The following KCNIP4 variants were observed in gnomAD, a reference collection of about 807,000 sequenced individuals.
KCNIP4 encodes the protein Kv channel-interacting protein 4.
In KCNIP4, 12 loss-of-function variants were observed where a neutral mutation model predicts 34.0. The ratio of observed to expected loss-of-function variants is 0.35; its 90% CI spans 0.23 to 0.57. The LOEUF is 0.57. KCNIP4 is among the 20% of genes least tolerant of loss of function. The pLI is 0.83. For missense variants in KCNIP4, 238 were observed against 311.7 expected (o/e 0.76, Z 1.78); for synonymous variants, 124 against 102.2 (o/e 1.21, Z -1.29).
chr4:20,850,443 T>C lies in KCNIP4; in HGVS notation c.288+100A>G, dbSNP rs1720884295. The C allele has an allele frequency of 2.4e-5, 30 of 1,229,512 alleles. No individual in the cohort carries two copies. The South Asian group carries it at 3.8e-4, about 16-fold the overall frequency. 76.2% of individuals were successfully genotyped at this position (1,229,512 alleles called of 1,614,324 possible). A position where few individuals can be genotyped will look rare whatever the true frequency, so the allele number is the denominator to read the frequency against. On this transcript the variant is annotated intron_variant, in intron 3 of 8. Transcript: ENST00000382152. ...GGATCAGTATGAAATATACATATGATGGGGCTCTCATAGAATGGGATATTT... is the reference window on the plus strand; with the variant it reads ...GGATCAGTATGAAATATACATATGACGGGGCTCTCATAGAATGGGATATTT...
intron 1 of KCNIP4, among the ~76,000 whole-genome samples, chr4:21,079,795 G>A (rs1192162323): frequency 2.6e-5 from 4 of 151,804 alleles, no homozygotes; most frequent in African/African-American, 9.7e-5. Context: ...GAGAGTCAGA[G>A]TCCCAGAAGG....
intron 1 of KCNIP4, among the ~76,000 whole-genome samples, chr4:20,883,131 A>G (rs1486678111): frequency 6.6e-6 from 1 of 151,074 alleles, no homozygotes; most frequent in Non-Finnish European, 1.5e-5. Context: ...ATTTTCTGCT[A>G]TTGCTCCCCA....
chr4:21,686,621 T>C (rs1222434710), intron 1 of KCNIP4, among the ~76,000 whole-genome samples: 1 of 152,186 alleles, frequency 6.6e-6, no homozygotes, highest in Non-Finnish European at 1.5e-5. Flanking sequence ...ATACAGGACC[T>C]ACCCCATTTA....
At chr4:21,797,389 C>T (rs539391402) in intron 1 of KCNIP4, among the ~76,000 whole-genome samples, 2 of 152,266 alleles carry the variant, frequency 1.3e-5, no homozygotes, top group Non-Finnish European at 2.9e-5. Context: ...AAGTTATCCT[C>T]CTGCCTCAGC....
At chr4:21,184,495 C>A (rs1755068893) in intron 1 of KCNIP4, among the ~76,000 whole-genome samples, 1 of 152,066 alleles carries the variant, frequency 6.6e-6, no homozygotes, top group Non-Finnish European at 1.5e-5. Flanking sequence ...ATTTAAGTCA[C>A]AGATGAAAAG....
chr4:21,167,436 G>C (rs943411181), intron 1 of KCNIP4, among the ~76,000 whole-genome samples: 2 of 152,174 alleles, frequency 1.3e-5, no homozygotes, highest in Non-Finnish European at 2.9e-5. Flanking sequence ...TTTTGCAGAT[G>C]CATCGAATTC....
At chr4:21,828,517 A>T (rs966998053) in intron 1 of KCNIP4, among the ~76,000 whole-genome samples, 1 of 152,032 alleles carries the variant, frequency 6.6e-6, no homozygotes, top group East Asian at 1.9e-4. Flanking sequence ...ATATAAATTG[A>T]AAACAATGTA....
rs1730765020 is a variant in KCNIP4 at position 21,474,642 on chromosome 4, G to T, written c.61+473929C>A. ...TGTCCCAGGTCAGGTAAGGAAAAAGGAAGGGGCAGAACAGAAAGGAGGGAG... is the reference window on the plus strand; with the variant it reads ...TGTCCCAGGTCAGGTAAGGAAAAAGTAAGGGGCAGAACAGAAAGGAGGGAG... On this transcript the variant is annotated intron_variant, in intron 1 of 8. Coordinates refer to ENST00000382152, the MANE Select transcript of KCNIP4 (RefSeq NM_025221.6). Among the ~76,000 whole-genome samples, 3 of 152,188 alleles carry T rather than the reference G, an allele frequency of 2.0e-5. No individual in the cohort carries two copies. The South Asian group carries it at 6.2e-4, about 32-fold the overall frequency.
At chr4:21,233,417 A>G (rs1439900931) in intron 1 of KCNIP4, among the ~76,000 whole-genome samples, 1 of 152,080 alleles carries the variant, frequency 6.6e-6, no homozygotes, top group Admixed American at 6.6e-5. Flanking sequence ...AAAGAAGATA[A>G]TACGAGGCAT....
At chr4:21,925,817 C>A (rs1022247) in intron 1 of KCNIP4, among the ~76,000 whole-genome samples, 36,322 of 152,094 alleles carry the variant, frequency 0.24, 5,331 homozygotes, top group South Asian at 0.36. Flanking sequence ...GTGATCCCAG[C>A]AAATTCCAGT....
At position 21,296,712 on chromosome 4, in the gene KCNIP4, A is replaced by G. The variant is rs140330365; in HGVS notation, c.62-414003T>C. 8.6e-5 allele frequency among the ~76,000 whole-genome samples: 13 copies of G among 151,988 alleles called. No homozygotes were observed. The East Asian group carries it at 2.5e-3, about 30-fold the overall frequency. The stretch of plus-strand genomic sequence containing the variant: ...AGTTTCTACATTCTATGGCTTCCCT[A>G]TGAGAACTGAAACACACACTTGTTA... On this transcript the variant is annotated intron_variant, in intron 1 of 8. Coordinates refer to ENST00000382152, the MANE Select transcript of KCNIP4 (RefSeq NM_025221.6).
intron 1 of KCNIP4, among the ~76,000 whole-genome samples, chr4:21,093,653 C>A (rs1390313250): frequency 6.6e-6 from 1 of 152,056 alleles, no homozygotes; most frequent in East Asian, 1.9e-4. Context: ...GTTACAGATA[C>A]TATATGGGCT....
In KCNIP4 at chr4:21,132,215, A is replaced by G. The variant is rs1387091823; in HGVS notation, c.62-249506T>C. 3.9e-5 allele frequency among the ~76,000 whole-genome samples: 6 copies of G among 152,244 alleles called. No individual in the cohort carries two copies. In the South Asian group the frequency reaches 6.2e-4, roughly 16 times the overall value. Reference sequence around the variant, plus strand: ...CAACAACAGGAATTTCACCAGCCATATAAGAACAGCCTGTTTCTGTTTAAC... The same window carrying G: ...CAACAACAGGAATTTCACCAGCCATGTAAGAACAGCCTGTTTCTGTTTAAC... On this transcript the variant is annotated intron_variant, in intron 1 of 8. Coordinates refer to ENST00000382152, the MANE Select transcript of KCNIP4 (RefSeq NM_025221.6).
chr4:21,908,602 G>C (rs1728127708), intron 1 of KCNIP4, among the ~76,000 whole-genome samples: 1 of 152,162 alleles, frequency 6.6e-6, no homozygotes, highest in Non-Finnish European at 1.5e-5. Flanking sequence ...GATAAACACA[G>C]TGAAAGGTAT....
intron 1 of KCNIP4, among the ~76,000 whole-genome samples, chr4:20,884,297 T>A (rs1451463636): frequency 6.6e-6 from 1 of 152,094 alleles, no homozygotes; most frequent in East Asian, 1.9e-4. Flanking sequence ...CCCTGGTGGT[T>A]TCCTGCACCT....
intron 1 of KCNIP4, among the ~76,000 whole-genome samples, chr4:21,026,256 T>C (rs1740551972): frequency 6.6e-6 from 1 of 152,216 alleles, no homozygotes; most frequent in African/African-American, 2.4e-5. Context: ...CAGAGAAGCC[T>C]GTACATCTCC....
intron 1 of KCNIP4, among the ~76,000 whole-genome samples, chr4:21,201,280 A>G (rs1251076327): frequency 3.3e-5 from 5 of 152,212 alleles, no homozygotes; most frequent in African/African-American, 1.2e-4. Context: ...ATTTATTGCT[A>G]CAATCAAGAG....
chr4:21,285,141 T>A (rs1763040383), intron 1 of KCNIP4, among the ~76,000 whole-genome samples: 1 of 152,120 alleles, frequency 6.6e-6, no homozygotes, highest in Non-Finnish European at 1.5e-5. Flanking sequence ...GATAAGAAAG[T>A]CAAGCCTATT....
At chr4:21,288,261 G>A (rs1211280545) in intron 1 of KCNIP4, among the ~76,000 whole-genome samples, 2 of 152,098 alleles carry the variant, frequency 1.3e-5, no homozygotes, top group Non-Finnish European at 2.9e-5. Flanking sequence ...GGTTATAACT[G>A]TACCCACAAC....
Sources: allele counts gnomAD v4.1 joint callset (sites outside exome capture counted in the v4.1 genomes callset), GRCh38; gene constraint gnomAD v4.1.1; transcripts MANE v1.5; gene names NCBI Gene and HGNC (gene_info 2026-07-23, HGNC 2026-07-21).